The following ABTB3 variants were observed in gnomAD, a reference collection of about 807,000 sequenced individuals.
The protein encoded by ABTB3 is ankyrin repeat and BTB domain containing 3, also known as ankyrin repeat- and BTB/POZ domain-containing protein 3.
At chr12:107,380,492 T>C in the ABTB3 span, among the ~76,000 whole-genome samples, 3 of 152,216 alleles carry the variant, frequency 2.0e-5, no homozygotes, top group Non-Finnish European at 2.9e-5. Context: ...ACCTAGGTTT[T>C]TGTTTCTGTG....
the ABTB3 span, among the ~76,000 whole-genome samples, chr12:107,528,197 G>C: frequency 2.0e-5 from 3 of 152,168 alleles, no homozygotes; most frequent in African/African-American, 7.2e-5. Context: ...CTCCACAGAT[G>C]ATCCTGAGTC....
At chr12:107,560,326 G>A in the ABTB3 span, among the ~76,000 whole-genome samples, 1 of 152,190 alleles carries the variant, frequency 6.6e-6, no homozygotes, top group East Asian at 1.9e-4. Flanking sequence ...GAGCAACTGA[G>A]GGGTTAATTC....
chr12:107,373,090 C>A, the ABTB3 span, among the ~76,000 whole-genome samples: 1 of 152,182 alleles, frequency 6.6e-6, no homozygotes, highest in African/African-American at 2.4e-5. Context: ...TGCTAAATGT[C>A]CCCTGAGGGA....
the ABTB3 span, among the ~76,000 whole-genome samples, chr12:107,548,463 C>T: frequency 2.0e-5 from 3 of 152,180 alleles, no homozygotes; most frequent in Non-Finnish European, 4.4e-5. Flanking sequence ...CCTGCATGCA[C>T]CATTTTACCA....
the ABTB3 span, among the ~76,000 whole-genome samples, chr12:107,348,842 G>A: frequency 2.0e-5 from 3 of 152,202 alleles, no homozygotes; most frequent in African/African-American, 7.2e-5. Flanking sequence ...CTTAGTCAGG[G>A]ATGCTATTTT....
chr12:107,319,562 G>A, the ABTB3 span: 4 of 1,544,344 alleles, frequency 2.6e-6, no homozygotes, highest in African/African-American at 1.4e-5. Flanking sequence ...GGCCCGCTGC[G>A]GCCTCACCTT....
chr12:107,498,075 T>C, the ABTB3 span, among the ~76,000 whole-genome samples: 1 of 152,190 alleles, frequency 6.6e-6, no homozygotes, highest in Admixed American at 6.5e-5. Flanking sequence ...ATGTCTTCAA[T>C]GGGCTGAGAG....
the ABTB3 span, among the ~76,000 whole-genome samples, chr12:107,645,407 A>C: frequency 1.3e-5 from 2 of 152,084 alleles, no homozygotes; most frequent in South Asian, 4.1e-4. Flanking sequence ...CTTACAGACA[A>C]GGGCATGCAT....
At chr12:107,510,696 G>A in the ABTB3 span, among the ~76,000 whole-genome samples, 12 of 152,154 alleles carry the variant, frequency 7.9e-5, no homozygotes, top group Non-Finnish European at 1.0e-4. Context: ...CGATGAGGGC[G>A]GATCACTAGA....
At chr12:107,470,414 G>A in the ABTB3 span, among the ~76,000 whole-genome samples, 1 of 152,034 alleles carries the variant, frequency 6.6e-6, no homozygotes, top group Non-Finnish European at 1.5e-5. Context: ...AAATAATCTG[G>A]TTGGGATGAG....
chr12:107,568,146 A>T, the ABTB3 span, among the ~76,000 whole-genome samples: 2 of 152,220 alleles, frequency 1.3e-5, no homozygotes, highest in Admixed American at 1.3e-4. Context: ...ATTCTAGCAG[A>T]CTTGAGATCA....
chr12:107,648,084 G>A, the ABTB3 span, among the ~76,000 whole-genome samples: 1 of 152,024 alleles, frequency 6.6e-6, no homozygotes, highest in African/African-American at 2.4e-5. Flanking sequence ...AAACATACAG[G>A]TAGAAGACAA....
the ABTB3 span, among the ~76,000 whole-genome samples, chr12:107,372,281 A>T: frequency 6.6e-6 from 1 of 152,230 alleles, no homozygotes; most frequent in African/African-American, 2.4e-5. Flanking sequence ...CTCCTTCCCC[A>T]GTGACACATG....
chr12:107,566,147 T>C, the ABTB3 span, among the ~76,000 whole-genome samples: 1 of 152,196 alleles, frequency 6.6e-6, no homozygotes, highest in Non-Finnish European at 1.5e-5. Context: ...CACCAGAAAT[T>C]GCCTCTTTTC....
chr12:107,346,615 A>G, the ABTB3 span, among the ~76,000 whole-genome samples: 51 of 152,142 alleles, frequency 3.4e-4, no homozygotes, highest in Admixed American at 2.9e-3. Flanking sequence ...GTGTGGCACC[A>G]CGCCTGGCTA....
At chr12:107,543,955 A>G in the ABTB3 span, 2 of 1,613,590 alleles carry the variant, frequency 1.2e-6, no homozygotes, top group Non-Finnish European at 1.7e-6. Flanking sequence ...GTCCCGTGCA[A>G]TGCATCACCT....
At chr12:107,480,890 G>A in the ABTB3 span, among the ~76,000 whole-genome samples, 1 of 152,184 alleles carries the variant, frequency 6.6e-6, no homozygotes, top group Non-Finnish European at 1.5e-5. Flanking sequence ...AAAACCAACA[G>A]TAAAGAGAAG....
the ABTB3 span, among the ~76,000 whole-genome samples, chr12:107,324,820 T>C: frequency 1.7e-4 from 26 of 152,312 alleles, no homozygotes; most frequent in South Asian, 5.2e-3. Flanking sequence ...AGAGGCAGTA[T>C]GGAATGATGA....
chr12:107,514,698 A>G, the ABTB3 span, among the ~76,000 whole-genome samples: 207 of 152,354 alleles, frequency 1.4e-3, no homozygotes, highest in Non-Finnish European at 2.2e-3. Flanking sequence ...CCCCATGTAG[A>G]GTCTCCAATG....
Sources: allele counts gnomAD v4.1 joint callset (sites outside exome capture counted in the v4.1 genomes callset), GRCh38; gene constraint gnomAD v4.1.1; transcripts MANE v1.5; gene names NCBI Gene and HGNC (gene_info 2026-07-23, HGNC 2026-07-21).